Variants in KIF26B observed in about 807,000 individuals in gnomAD.
The protein encoded by KIF26B is kinesin family member 26B.
KIF26B carries 63 observed loss-of-function variants against 151.2 expected under a neutral mutation model. That is an observed-to-expected ratio of 0.42 (90% CI 0.34 to 0.51). KIF26B has a LOEUF of 0.51. KIF26B is among the 20% of genes least tolerant of loss of function. The probability of loss-of-function intolerance (pLI) is 0.07; values close to 1 mark genes in which losing one functional copy is unlikely to be tolerated. For synonymous variants in KIF26B, 1,357 were observed against 1,262.1 expected, an observed-to-expected ratio of 1.08 and a Z score of -1.59; for missense variants, 2,813 against 2,913.6, an observed-to-expected ratio of 0.97 and a Z score of 0.79.
chr1:245,690,846 A>T (rs1189402788), intron 12 of KIF26B, among the ~76,000 whole-genome samples: 1 of 152,202 alleles, frequency 6.6e-6, no homozygotes, highest in East Asian at 1.9e-4. Flanking sequence ...AGACAAGTTG[A>T]AAAGGAAGAG....
At chr1:245,638,782 A>G (rs1276150110) in intron 9 of KIF26B, among the ~76,000 whole-genome samples, 4 of 151,816 alleles carry the variant, frequency 2.6e-5, no homozygotes, top group African/African-American at 7.2e-5. Context: ...GTGATGTATT[A>G]AACTTATTTG....
chr1:245,444,857 A>G (rs1009144638), intron 4 of KIF26B, among the ~76,000 whole-genome samples: 3 of 152,212 alleles, frequency 2.0e-5, no homozygotes, highest in African/African-American at 7.2e-5. Flanking sequence ...ACAGATTCCA[A>G]AATCCACGTG....
At chr1:245,535,394 A>G (rs995134180) in intron 4 of KIF26B, among the ~76,000 whole-genome samples, 2 of 152,158 alleles carry the variant, frequency 1.3e-5, no homozygotes, top group African/African-American at 4.8e-5. Context: ...TAAGAAAATA[A>G]TTTTATATGC....
chr1:245,159,191 A>G (rs981047995), intron 2 of KIF26B, among the ~76,000 whole-genome samples: 2 of 152,204 alleles, frequency 1.3e-5, no homozygotes, highest in African/African-American at 4.8e-5. Context: ...GTAATTAACA[A>G]AAATCATCTG....
At chr1:245,185,859 C>T (rs939025596) in intron 2 of KIF26B, among the ~76,000 whole-genome samples, 3 of 151,316 alleles carry the variant, frequency 2.0e-5, no homozygotes, top group Admixed American at 2.0e-4. Context: ...TTTATATTTT[C>T]TTTTTATTAT....
At chr1:245,587,152 C>G (rs2043236794) in intron 5 of KIF26B, among the ~76,000 whole-genome samples, 1 of 152,170 alleles carries the variant, frequency 6.6e-6, no homozygotes, top group Non-Finnish European at 1.5e-5. Flanking sequence ...TGCCCACTCA[C>G]CTAGAGCGCA....
rs759382279 is a variant in KIF26B at position 245,367,307 on chromosome 1, G to A, written c.939G>A (p.Gln313=). The change falls in exon 3 of 15, where the codon CAG becomes CAA. Residue 313 remains glutamine (Q), a synonymous_variant. Transcript: ENST00000407071. This position sits in a 1 kb window ranked among gnomAD's most constrained non-coding sequence, Gnocchi z 4.2. ...ATTCGGTGGCCATCCAGGCTCACCA[G>A]TACCTGGATGGCACCTGGTCCCTGT... ...ILNSVAIQAH[Q]YLDGTWSLSR... The A allele has an allele frequency of 1.9e-6, 3 of 1,596,828 alleles. No homozygotes were observed. Among genetic ancestry groups the A allele is most frequent in the East Asian group, 2.3e-5 (1 of 44,010 alleles).
intron 2 of KIF26B, among the ~76,000 whole-genome samples, chr1:245,249,547 G>A (rs899026394): frequency 1.4e-5 from 2 of 141,044 alleles, no homozygotes; most frequent in Non-Finnish European, 3.0e-5. Context: ...GAGTGCAATG[G>A]CATGATCTTG....
intron 4 of KIF26B, among the ~76,000 whole-genome samples, chr1:245,443,698 T>C (rs1659175977): frequency 9.7e-6 from 1 of 102,822 alleles, no homozygotes; most frequent in African/African-American, 3.2e-5. Flanking sequence ...CACCCTGCGG[T>C]CATCTCCCTC....
At chr1:245,697,787 C>T (rs2044713598) in intron 12 of KIF26B, among the ~76,000 whole-genome samples, 1 of 152,092 alleles carries the variant, frequency 6.6e-6, no homozygotes, top group Admixed American at 6.6e-5. Flanking sequence ...CACTTGTAAT[C>T]CCAGCACTTC....
At chr1:245,534,013 A>T (rs1661435890) in intron 4 of KIF26B, among the ~76,000 whole-genome samples, 1 of 152,182 alleles carries the variant, frequency 6.6e-6, no homozygotes, top group African/African-American at 2.4e-5. Context: ...TTGATGCATT[A>T]GGAGAATTGT....
chr1:245,581,672 G>C (rs540194786), intron 5 of KIF26B, among the ~76,000 whole-genome samples: 3 of 152,250 alleles, frequency 2.0e-5, no homozygotes, highest in Admixed American at 2.0e-4. Flanking sequence ...GAGGGAGGAG[G>C]TGTGGATGCT....
intron 4 of KIF26B, among the ~76,000 whole-genome samples, chr1:245,449,244 A>G (rs982437729): frequency 1.1e-4 from 16 of 152,184 alleles, no homozygotes; most frequent in African/African-American, 3.4e-4. Flanking sequence ...TGTCGTATGG[A>G]AGTGATTTGC....
At chr1:245,377,537 A>G (rs1282983700) in intron 3 of KIF26B, among the ~76,000 whole-genome samples, 1 of 152,150 alleles carries the variant, frequency 6.6e-6, no homozygotes, top group Non-Finnish European at 1.5e-5. Context: ...AATCATAGCA[A>G]TTTCTGCAAT....
intron 9 of KIF26B, among the ~76,000 whole-genome samples, chr1:245,624,957 T>G (rs1490112638): frequency 3.9e-5 from 6 of 152,002 alleles, no homozygotes; most frequent in Non-Finnish European, 8.8e-5. Flanking sequence ...TTGAGGGAGG[T>G]TAGGTGTTTT....
At chr1:245,669,557 C>T (rs1179765900) in intron 10 of KIF26B, among the ~76,000 whole-genome samples, 1 of 152,104 alleles carries the variant, frequency 6.6e-6, no homozygotes, top group African/African-American at 2.4e-5. Flanking sequence ...ATATGCACAG[C>T]CAAGGAGCAC....
At chr1:245,492,768 A>C (rs1444049229) in intron 4 of KIF26B, among the ~76,000 whole-genome samples, 1 of 151,390 alleles carries the variant, frequency 6.6e-6, no homozygotes, top group Non-Finnish European at 1.5e-5. Flanking sequence ...TTACAAAGGA[A>C]ATAAGTCTTT....
intron 10 of KIF26B, among the ~76,000 whole-genome samples, chr1:245,677,063 C>T (rs559368574): frequency 6.6e-6 from 1 of 152,320 alleles, no homozygotes; most frequent in Non-Finnish European, 1.5e-5. Context: ...AAAAAGAGAT[C>T]GATGAGCAAA....
chr1:245,315,052 C>T (rs919939826), intron 2 of KIF26B, among the ~76,000 whole-genome samples: 8 of 149,736 alleles, frequency 5.3e-5, no homozygotes, highest in South Asian at 2.2e-4. Flanking sequence ...TGGTGGCGGG[C>T]GCCTGTAATC....
Sources: allele counts gnomAD v4.1 joint callset (sites outside exome capture counted in the v4.1 genomes callset), GRCh38; gene constraint gnomAD v4.1.1; non-coding constraint Gnocchi (gnomAD v3.1); transcripts MANE v1.5; gene names NCBI Gene and HGNC (gene_info 2026-07-23, HGNC 2026-07-21).